The following PTCHD4 variants were observed in gnomAD, a reference collection of about 807,000 sequenced individuals.
PTCHD4 encodes patched domain containing 4, also known as patched domain-containing protein 4.
In PTCHD4, 33 loss-of-function variants were observed where a neutral mutation model predicts 58.1. The ratio of observed to expected loss-of-function variants is 0.57; its 90% confidence interval spans 0.43 to 0.76. The LOEUF (loss-of-function observed/expected upper bound fraction) is 0.76, where lower values mean the gene tolerates loss of function less well. PTCHD4 is among the 30% of genes least tolerant of loss of function. The pLI, the probability that PTCHD4 is intolerant of heterozygous loss-of-function variation, is 0.00. For synonymous variants in PTCHD4, 478 were observed against 409.6 expected (o/e 1.17, Z -2.02); for missense variants, 1,058 against 1,027.1 (o/e 1.03, Z -0.41).
Position 48,059,611 on chromosome 6 carries a change from C to T in PTCHD4, c.417+8619G>A, listed in dbSNP as rs371652881. ...CCGAGATCACGCCACTGCACTCAGT[C>T]TGGGCGACAGAGTGAGACTGTCTCA... On this transcript the variant is annotated intron_variant, in intron 3 of 4. Transcript: ENST00000339488. Among the ~76,000 whole-genome samples, 10 of 152,010 alleles carry T rather than the reference C, an allele frequency of 6.6e-5. No homozygotes were observed. In the South Asian group the frequency reaches 1.3e-3, roughly 19 times the overall value.
At chr6:48,092,722 A>G (rs530062155) in intron 1 of PTCHD4, among the ~76,000 whole-genome samples, 10 of 152,282 alleles carry the variant, frequency 6.6e-5, no homozygotes, top group African/African-American at 7.2e-5. Context: ...GGTTTAGCAT[A>G]AAACGTCATG....
At chr6:47,974,127 G>T (rs1767610571) in intron 4 of PTCHD4, among the ~76,000 whole-genome samples, 1 of 152,080 alleles carries the variant, frequency 6.6e-6, no homozygotes, top group Non-Finnish European at 1.5e-5. Context: ...AAATAATGAG[G>T]GATAAGTCAG....
chr6:48,002,296 A>G (rs1768759036), intron 4 of PTCHD4, among the ~76,000 whole-genome samples: 1 of 152,194 alleles, frequency 6.6e-6, no homozygotes, highest in Non-Finnish European at 1.5e-5. Context: ...ATGCTGCTAT[A>G]AACACAGACG....
intron 4 of PTCHD4, among the ~76,000 whole-genome samples, chr6:47,957,095 G>A (rs1434186296): frequency 6.6e-6 from 1 of 151,536 alleles, no homozygotes; most frequent in Non-Finnish European, 1.5e-5. Flanking sequence ...AACCCTGGAG[G>A]CGGAGGTTGC....
chr6:47,973,961 G>A (rs1767603887), intron 4 of PTCHD4, among the ~76,000 whole-genome samples: 1 of 152,154 alleles, frequency 6.6e-6, no homozygotes, highest in Non-Finnish European at 1.5e-5. Flanking sequence ...AATTGCCACT[G>A]ATGTGAGTCT....
intron 3 of PTCHD4, among the ~76,000 whole-genome samples, chr6:48,055,638 G>T (rs778912793): frequency 3.3e-5 from 5 of 152,144 alleles, no homozygotes; most frequent in Non-Finnish European, 7.3e-5. Flanking sequence ...GAAAATAAGA[G>T]CCAAGCTGCT....
chr6:48,040,697 T>A (rs2114150793), intron 3 of PTCHD4, among the ~76,000 whole-genome samples: 1 of 152,268 alleles, frequency 6.6e-6, no homozygotes, highest in Non-Finnish European at 1.5e-5. Context: ...TATGTTTTAA[T>A]GCCTCAACAA....
At chr6:48,001,017 A>G (rs1768699529) in intron 4 of PTCHD4, among the ~76,000 whole-genome samples, 2 of 152,212 alleles carry the variant, frequency 1.3e-5, no homozygotes, top group African/African-American at 2.4e-5. Context: ...TGCTTCAAAG[A>G]GAATAAAACA....
intron 3 of PTCHD4, among the ~76,000 whole-genome samples, chr6:48,027,508 C>T (rs2114124695): frequency 6.6e-6 from 1 of 152,084 alleles, no homozygotes; most frequent in African/African-American, 2.4e-5. Flanking sequence ...AATATGTCTA[C>T]CTTAAAATTG....
chr6:47,903,020 G>C (rs571943532), intron 4 of PTCHD4, among the ~76,000 whole-genome samples: 2 of 152,176 alleles, frequency 1.3e-5, no homozygotes, highest in East Asian at 3.9e-4. Context: ...GAGGGAAAAA[G>C]GTACAAGTTG....
In PTCHD4 at chr6:47,872,677, G is replaced by A. The variant is rs1407260363; in HGVS notation, c.*5626C>T. ...CTGGCTTTCTATAATTTAAGATAGT[G>A]CAAAATCAGTGATAGTTTCCTTTAT... On this transcript the variant is annotated 3_prime_UTR_variant, in exon 5 of 5. Transcript: ENST00000339488. Among the ~76,000 whole-genome samples the A allele has an allele frequency of 6.6e-6, 1 of 151,550 alleles. No homozygotes were observed. The highest frequency in any genetic ancestry group is 1.5e-5 in the Non-Finnish European group (1 of 67,732).
At position 47,873,104 on chromosome 6, in the gene PTCHD4, C is replaced by T. The variant is rs1763760986; in HGVS notation, c.*5199G>A. Reference sequence around the variant, plus strand: ...CTTTCACTAACAAAAGGGTCTACGGCTCTTCCTTTGTGCTTGGAAATTCAG... The same window carrying T: ...CTTTCACTAACAAAAGGGTCTACGGTTCTTCCTTTGTGCTTGGAAATTCAG... On this transcript the variant is annotated 3_prime_UTR_variant, in exon 5 of 5. Transcript: ENST00000339488. Among the ~76,000 whole-genome samples the T allele has an allele frequency of 6.6e-6, 1 of 151,626 alleles. No homozygotes were observed. The highest frequency in any genetic ancestry group is 6.6e-5 in the Admixed American group (1 of 15,174).
At chr6:47,947,105 G>A (rs1766452809) in intron 4 of PTCHD4, among the ~76,000 whole-genome samples, 1 of 152,030 alleles carries the variant, frequency 6.6e-6, no homozygotes, top group South Asian at 2.1e-4. Flanking sequence ...TAAGTACTGG[G>A]ATTACAGGTG....
rs1226359578 is a variant in PTCHD4, at chr6:47,875,507, C to CTCT, written c.*2793_*2795dup. Among the ~76,000 whole-genome samples, 2 of 151,796 alleles carry CTCT rather than the reference C, an allele frequency of 1.3e-5. No homozygotes were observed. Among genetic ancestry groups the CTCT allele is most frequent in the Admixed American group, 6.6e-5 (1 of 15,206 alleles). On this transcript the variant is annotated 3_prime_UTR_variant, in exon 5 of 5. Transcript: ENST00000339488. ...TAAGACACTTTAGGTGGTATATTAACTCTTCCAGAACAAATAATTCCATTT... is the reference window on the plus strand; with the variant it reads ...TAAGACACTTTAGGTGGTATATTAACTCTTCTTCCAGAACAAATAATTCCATTT...
chr6:47,932,918 G>A (rs1005477377), intron 4 of PTCHD4, among the ~76,000 whole-genome samples: 1 of 152,206 alleles, frequency 6.6e-6, no homozygotes, highest in Non-Finnish European at 1.5e-5. Flanking sequence ...TATATGTGAA[G>A]ACTTGGAGTA....
chr6:48,034,726 T>C (rs1169207034), intron 3 of PTCHD4, among the ~76,000 whole-genome samples: 1 of 152,116 alleles, frequency 6.6e-6, no homozygotes, highest in Non-Finnish European at 1.5e-5. Flanking sequence ...CGGATCTAAT[T>C]ACCACAAGCA....
rs115384947 is a variant in PTCHD4, at chr6:48,045,173, A to C, written c.417+23057T>G. ...CCCCTCTGGCTCCAGTCGGCCCTGC[A>C]TCTAAATTGTCCAGGAGAGACAACT... On this transcript the variant is annotated intron_variant, in intron 3 of 4. Transcript: ENST00000339488. 6.5e-3 allele frequency among the ~76,000 whole-genome samples: 982 copies of C among 151,914 alleles called. 15 individuals carry two copies. The highest frequency in any genetic ancestry group is 0.022 in the African/African-American group (927 of 41,514).
intron 4 of PTCHD4, among the ~76,000 whole-genome samples, chr6:47,952,883 GTA>G: frequency 6.6e-6 from 1 of 151,872 alleles, no homozygotes; most frequent in South Asian, 2.1e-4. Context: ...ACATATGACT[GTA>G]TATAGTATAT....
chr6:48,038,439 T>A (rs1303472562), intron 3 of PTCHD4, among the ~76,000 whole-genome samples: 3 of 151,720 alleles, frequency 2.0e-5, no homozygotes, highest in African/African-American at 4.8e-5. Context: ...GTCAGAAGTT[T>A]GAAACCAGAC....
Sources: allele counts gnomAD v4.1 joint callset (sites outside exome capture counted in the v4.1 genomes callset), GRCh38; gene constraint gnomAD v4.1.1; transcripts MANE v1.5; gene names NCBI Gene and HGNC (gene_info 2026-07-23, HGNC 2026-07-21).